Variants in CAV1 observed in about 807,000 individuals in gnomAD.
The protein encoded by CAV1 is caveolin 1.
Under a neutral mutation model 16.5 loss-of-function variants are expected in CAV1, and 10 were observed. The observed-to-expected ratio is 0.61, with a 90% CI of 0.37 to 1.03. CAV1 has a LOEUF of 1.03. Among genes scored for constraint, CAV1 ranks in the 50% least tolerant of loss-of-function variants. The probability of loss-of-function intolerance (pLI) is 0.01; values close to 1 mark genes in which losing one functional copy is unlikely to be tolerated. For missense variants in CAV1, 212 were observed against 232.8 expected (o/e 0.91, Z 0.58); for synonymous variants, 76 against 85.1 (o/e 0.89, Z 0.59).
chr7:116,544,850 G>A (rs1794009010), intron 2 of CAV1, among the ~76,000 whole-genome samples: 3 of 152,266 alleles, frequency 2.0e-5, no homozygotes, highest in East Asian at 1.9e-4. Context: ...TCCTGAGTGA[G>A]CCTGAGAAGC....
intron 2 of CAV1, among the ~76,000 whole-genome samples, chr7:116,547,928 G>A (rs1192295047): frequency 6.6e-6 from 1 of 152,212 alleles, no homozygotes; most frequent in African/African-American, 2.4e-5. Flanking sequence ...ACCCTGATGA[G>A]CAGAGATTCG....
chr7:116,556,204 C>T (rs1018051954), intron 2 of CAV1, among the ~76,000 whole-genome samples: 1 of 152,104 alleles, frequency 6.6e-6, no homozygotes, highest in African/African-American at 2.4e-5. Flanking sequence ...TGAATTTATG[C>T]TTAGAAAAAT....
At chr7:116,529,601 C>A (rs1793641925) in intron 2 of CAV1, among the ~76,000 whole-genome samples, 1 of 152,020 alleles carries the variant, frequency 6.6e-6, no homozygotes, top group Non-Finnish European at 1.5e-5. Context: ...AGAAATGAAA[C>A]CCCAGTTTCA....
chr7:116,529,476 G>A (rs571309138), intron 2 of CAV1, among the ~76,000 whole-genome samples: 2 of 152,314 alleles, frequency 1.3e-5, no homozygotes, highest in East Asian at 3.9e-4. Flanking sequence ...CACAGACATA[G>A]AACATTTCCA....
chr7:116,531,382 C>T (rs1793683130), intron 2 of CAV1, among the ~76,000 whole-genome samples: 1 of 152,140 alleles, frequency 6.6e-6, no homozygotes, highest in African/African-American at 2.4e-5. Context: ...TAAATATGCA[C>T]AGACACAAAT....
intron 2 of CAV1, among the ~76,000 whole-genome samples, chr7:116,550,198 C>G (rs1794130251): frequency 6.6e-6 from 1 of 152,170 alleles, no homozygotes; most frequent in African/African-American, 2.4e-5. Context: ...ACCCCACACC[C>G]TAACCCTCTT....
chr7:116,528,445 T>C (rs1461112737), intron 2 of CAV1, among the ~76,000 whole-genome samples: 1 of 152,086 alleles, frequency 6.6e-6, no homozygotes, highest in East Asian at 1.9e-4. Flanking sequence ...AGCAAGCTCC[T>C]GCTAGCCTAA....
rs1232983304 is a variant in CAV1, at chr7:116,555,484, A to AAAAGAAAGAAAGAAAG, written c.196-3440_196-3425dup. Among the ~76,000 whole-genome samples the AAAAGAAAGAAAGAAAG allele has an allele frequency of 6.1e-3, 37 of 6,086 alleles. 11 individuals are homozygous for AAAAGAAAGAAAGAAAG. The highest frequency in any genetic ancestry group is 0.11 in the Middle Eastern group (2 of 18). 4.0% of individuals were successfully genotyped at this position (6,086 alleles called of 152,430 possible). ...GGAAGGAAGGAAGGAAGGAGGAAAG[A>AAAAGAAAGAAAGAAAG]AAAGAAAGAAAGAAAGAAAGAAAGA... is the stretch of plus-strand genomic sequence containing the variant. On this transcript the variant is annotated intron_variant, in intron 2 of 2. Transcript: ENST00000341049.
chr7:116,549,374 T>C (rs1277451079), intron 2 of CAV1, among the ~76,000 whole-genome samples: 1 of 152,194 alleles, frequency 6.6e-6, no homozygotes, highest in African/African-American at 2.4e-5. Context: ...ATTTTCTAAA[T>C]TGTTTTTCTT....
intron 2 of CAV1, among the ~76,000 whole-genome samples, chr7:116,554,726 C>T (rs1476115973): frequency 1.3e-5 from 2 of 152,010 alleles, no homozygotes; most frequent in Admixed American, 1.3e-4. Flanking sequence ...GTACCAGTAC[C>T]TAGGATGCAA....
At chr7:116,532,797 G>A (rs1030930519) in intron 2 of CAV1, among the ~76,000 whole-genome samples, 9 of 152,262 alleles carry the variant, frequency 5.9e-5, no homozygotes, top group African/African-American at 2.2e-4. Flanking sequence ...AGTAAAGACC[G>A]ACACAAAATT....
rs1048478842 is a variant in CAV1 at position 116,526,560 on chromosome 7, C to T, written c.66C>T (p.Gly22=). Residue 22 remains glycine (G), a synonymous_variant, in exon 2 of 3, where the codon GGC becomes GGT. Transcript: ENST00000341049. ...HLYTVPIREQ[G]NIYKPNNKAM... The stretch of plus-strand genomic sequence containing the variant: ...ACACCGTTCCCATCCGGGAACAGGG[C>T]AACATCTACAAGCCCAACAACAAGG... The T allele has an allele frequency of 5.6e-6, 9 of 1,614,164 alleles. No individual in the cohort carries two copies. Among genetic ancestry groups the T allele is most frequent in the Middle Eastern group, 1.6e-4 (1 of 6,062 alleles).
chr7:116,526,548 C>G lies in CAV1; in HGVS notation c.54C>G (p.Ile18Met), dbSNP rs150051547. The G allele has an allele frequency of 2.5e-4, 397 of 1,614,166 alleles. No individual in the cohort carries two copies. Among genetic ancestry groups the G allele is most frequent in the Non-Finnish European group, 3.1e-4 (361 of 1,180,032 alleles). Reference protein sequence around the residue: ...DSEGHLYTVPIREQGNIYKPN... With the variant: ...DSEGHLYTVPMREQGNIYKPN... Reference sequence around the variant, plus strand: ...AGGGACATCTCTACACCGTTCCCATCCGGGAACAGGGCAACATCTACAAGC... The same window carrying G: ...AGGGACATCTCTACACCGTTCCCATGCGGGAACAGGGCAACATCTACAAGC... The change falls in exon 2 of 3, where the codon ATC becomes ATG. Residue 18 changes from isoleucine (I) to methionine (M), a missense_variant. By Grantham distance (10) the Ile-to-Met change is conservative (BLOSUM62 1). Transcript: ENST00000341049.
At chr7:116,536,930 G>A (rs1339465978) in intron 2 of CAV1, among the ~76,000 whole-genome samples, 3 of 143,772 alleles carry the variant, frequency 2.1e-5, no homozygotes, top group Non-Finnish European at 3.0e-5. Context: ...GTGAACCCAG[G>A]AAGCGGAGCT....
Position 116,559,420 on chromosome 7 carries a change from A to G in CAV1, c.*133A>G. 1.4e-6 allele frequency: 1 copy of G among 690,176 alleles called. No homozygotes were observed. Among genetic ancestry groups the G allele is most frequent in the Non-Finnish European group, 2.5e-6 (1 of 396,114 alleles). 42.8% of individuals were successfully genotyped at this position (690,176 alleles called of 1,614,324 possible). A position where few individuals can be genotyped will look rare whatever the true frequency, so the allele number is the denominator to read the frequency against. ...TATCTTGGTTGAAAATAAAAAGATC[A>G]CTTTCTCAGTTTTCATAAGTATTAT... On this transcript the variant is annotated 3_prime_UTR_variant, in exon 3 of 3. Transcript: ENST00000341049.
intron 2 of CAV1, among the ~76,000 whole-genome samples, chr7:116,538,845 G>A (rs963101407): frequency 5.9e-5 from 9 of 152,186 alleles, no homozygotes. Context: ...TTACATGGTG[G>A]CAGACAAGAC....
chr7:116,548,768 C>G (rs936528554), intron 2 of CAV1, among the ~76,000 whole-genome samples: 1 of 152,152 alleles, frequency 6.6e-6, no homozygotes, highest in Non-Finnish European at 1.5e-5. Context: ...CCCTGAGGCT[C>G]GGTCTCCTAA....
Position 116,534,379 on chromosome 7 carries a change from ATATATATATATATATATTTTTTTTTT to A in CAV1, c.195+7692_195+7717del, listed in dbSNP as rs1171305220. ...CCACCTCAGATATATATATATATAT[ATATATATATATATATATTTTTTTTTT>A]TTTTTTTTTTTTGAGACGATGTCTT... On this transcript the variant is annotated intron_variant, in intron 2 of 2. Transcript: ENST00000341049. Among the ~76,000 whole-genome samples, 16 of 55,192 alleles carry A rather than the reference ATATATATATATATATATTTTTTTTTT, an allele frequency of 2.9e-4. 2 individuals are homozygous for A. The highest frequency in any genetic ancestry group is 1.6e-3 in the South Asian group (2 of 1,226). The allele number at this position is 55,192 out of a possible 152,430, so 36.2% of individuals were successfully genotyped here.
At chr7:116,557,342 G>C (rs1419512747) in intron 2 of CAV1, among the ~76,000 whole-genome samples, 3 of 152,192 alleles carry the variant, frequency 2.0e-5, no homozygotes, top group African/African-American at 7.2e-5. Context: ...CTTTGGCACT[G>C]AGTAGCTCCG....
Sources: allele counts gnomAD v4.1 joint callset (sites outside exome capture counted in the v4.1 genomes callset), GRCh38; gene constraint gnomAD v4.1.1; transcripts MANE v1.5; gene names NCBI Gene and HGNC (gene_info 2026-07-23, HGNC 2026-07-21).